The following MVB12B variants were observed in gnomAD, a reference collection of about 807,000 sequenced individuals.
The protein encoded by MVB12B is ESCRT-I complex subunit MVB12B.
In MVB12B, 16 loss-of-function variants were observed where a neutral mutation model predicts 41.6. That is an observed-to-expected ratio of 0.38 (90% CI 0.26 to 0.58). MVB12B has a LOEUF of 0.58. MVB12B is among the 20% of genes least tolerant of loss of function. MVB12B has a pLI of 0.62. For missense variants in MVB12B, 274 were observed against 380.2 expected (o/e 0.72, Z 2.32); for synonymous variants, 133 against 139.7 (o/e 0.95, Z 0.34).
intron 2 of MVB12B, among the ~76,000 whole-genome samples, chr9:126,361,186 A>T: frequency 6.7e-6 from 1 of 150,206 alleles, no homozygotes; most frequent in African/African-American, 2.5e-5. Flanking sequence ...TTTTTATCTC[A>T]TTTTATTTCC....
chr9:126,430,340 A>G (rs1008563800), intron 7 of MVB12B, among the ~76,000 whole-genome samples: 2 of 151,654 alleles, frequency 1.3e-5, no homozygotes, highest in African/African-American at 4.9e-5. Flanking sequence ...GTCTTGCGCT[A>G]TGCTTGCCCC....
Position 126,473,751 on chromosome 9 carries a change from G to T in MVB12B, c.758-7618G>T, listed in dbSNP as rs906627587. The stretch of plus-strand genomic sequence containing the variant: ...TCCCCACATAGCTCAGTCATCTCCC[G>T]CCGGGCCCCCTCCAATACCGGGGAT... On this transcript the variant is annotated intron_variant, in intron 7 of 9. Transcript: ENST00000361171. This position sits in a 1 kb window ranked among gnomAD's most constrained non-coding sequence, Gnocchi z 4.0. Among the ~76,000 whole-genome samples the T allele has an allele frequency of 1.3e-5, 2 of 152,176 alleles. No individual in the cohort carries two copies. The highest frequency in any genetic ancestry group is 2.9e-5 in the Non-Finnish European group (2 of 68,038).
chr9:126,373,286 C>T (rs1588117271), intron 2 of MVB12B, among the ~76,000 whole-genome samples: 1 of 152,244 alleles, frequency 6.6e-6, no homozygotes, highest in African/African-American at 2.4e-5. Context: ...ATCTTGAGCA[C>T]ACCACCTGTT....
intron 7 of MVB12B, among the ~76,000 whole-genome samples, chr9:126,456,390 AACTG>A (rs998886501): frequency 2.0e-4 from 30 of 152,366 alleles, no homozygotes; most frequent in African/African-American, 7.2e-4. Flanking sequence ...TATAAATAAA[AACTG>A]ACATCATTCA....
At chr9:126,469,539 A>G (rs149023219) in intron 7 of MVB12B, among the ~76,000 whole-genome samples, 1 of 152,372 alleles carries the variant, frequency 6.6e-6, no homozygotes, top group East Asian at 1.9e-4. Context: ...CCTGGGGGAC[A>G]GGCGTGCTCC....
In MVB12B at chr9:126,486,552, G is replaced by A. The variant is rs536578344; in HGVS notation, c.873+2520G>A. Among the ~76,000 whole-genome samples the A allele has an allele frequency of 1.2e-4, 19 of 152,236 alleles. No homozygotes were observed. Among genetic ancestry groups the A allele is most frequent in the Admixed American group, 1.2e-3 (19 of 15,284 alleles). ...GATGCCAAATGGATATAGGTGGGAC[G>A]TGCTGGCAGCAGCGGCCTCAGCGTC... On this transcript the variant is annotated intron_variant, in intron 9 of 9. Coordinates refer to ENST00000361171, the MANE Select transcript of MVB12B (RefSeq NM_033446.3). This position sits in a 1 kb window ranked among gnomAD's most constrained non-coding sequence, Gnocchi z 4.7.
chr9:126,398,193 G>C (rs916147582), intron 6 of MVB12B, among the ~76,000 whole-genome samples: 3 of 151,834 alleles, frequency 2.0e-5, no homozygotes, highest in African/African-American at 7.3e-5. Context: ...CCTGTGCTGG[G>C]TCTTCTTCTG....
At chr9:126,414,450 C>T (rs1358297534) in intron 6 of MVB12B, among the ~76,000 whole-genome samples, 3 of 152,140 alleles carry the variant, frequency 2.0e-5, no homozygotes, top group East Asian at 1.9e-4. Flanking sequence ...GTAACACTCC[C>T]CGAGGATTTA....
chr9:126,429,970 G>A (rs185825174), intron 7 of MVB12B, among the ~76,000 whole-genome samples: 1 of 152,292 alleles, frequency 6.6e-6, no homozygotes, highest in East Asian at 1.9e-4. Context: ...AGTGTTAAGC[G>A]TGGGACCTCT....
intron 2 of MVB12B, among the ~76,000 whole-genome samples, chr9:126,361,939 C>T (rs1338476902): frequency 1.3e-5 from 2 of 149,408 alleles, no homozygotes; most frequent in East Asian, 2.0e-4. Context: ...AAAGATGTTG[C>T]TCCATTATCT....
Position 126,483,982 on chromosome 9 carries a change from T to G in MVB12B, c.823T>G (p.Phe275Val), listed in dbSNP as rs1205634054. 1.9e-6 allele frequency: 3 copies of G among 1,614,152 alleles called. No homozygotes were observed. Among genetic ancestry groups the G allele is most frequent in the South Asian group, 2.2e-5 (2 of 91,080 alleles). Reference protein sequence around the residue: ...FSCVPESMQPFDLLGITIKSL... With the variant: ...FSCVPESMQPVDLLGITIKSL... ...TCATCTGTGTTTTCAGATGCAGCCC[T>G]TTGATCTCCTGGGAATCACCATCAA... Residue 275 changes from phenylalanine (F) to valine (V), a missense_variant, in exon 9 of 10, where the codon TTT (phenylalanine) becomes GTT (valine). By Grantham distance (50) the Phe-to-Val change is conservative. Coordinates refer to ENST00000361171, the MANE Select transcript of MVB12B (RefSeq NM_033446.3).
At position 126,395,032 on chromosome 9, in the gene MVB12B, G is replaced by A. The variant is rs1207792936; in HGVS notation, c.540-543G>A. Among the ~76,000 whole-genome samples the A allele has an allele frequency of 6.6e-6, 1 of 152,160 alleles. No homozygotes were observed. The highest frequency in any genetic ancestry group is 1.5e-5 in the Non-Finnish European group (1 of 68,040). On this transcript the variant is annotated intron_variant, in intron 5 of 9. Transcript: ENST00000361171. This position sits in a 1 kb window ranked among gnomAD's most constrained non-coding sequence, Gnocchi z 4.9. ...GGAGGCCCCTTGGTGTCCACTCCTA[G>A]TTGTGTGGTTCATGGGGCCTCGAGT...
rs1192748426 is a variant in MVB12B, at chr9:126,376,439, A to G, written c.205-4625A>G. ...TGGTGACCCTTTGTTGTGGGTTGGGATTTAAGATGGAGGCACCAGCTCATG... is the reference window on the plus strand; with the variant it reads ...TGGTGACCCTTTGTTGTGGGTTGGGGTTTAAGATGGAGGCACCAGCTCATG... On this transcript the variant is annotated intron_variant, in intron 2 of 9. Transcript: ENST00000361171. This position sits in a 1 kb window ranked among gnomAD's most constrained non-coding sequence, Gnocchi z 4.1. 2 of 1,179,382 alleles carry G rather than the reference A, an allele frequency of 1.7e-6. No homozygotes were observed. The highest frequency in any genetic ancestry group is 2.2e-6 in the Non-Finnish European group (2 of 890,116). 73.1% of individuals were successfully genotyped at this position (1,179,382 alleles called of 1,614,324 possible). A position where few individuals can be genotyped will look rare whatever the true frequency, so the allele number is the denominator to read the frequency against.
chr9:126,455,429 A>G (rs1474317875), intron 7 of MVB12B, among the ~76,000 whole-genome samples: 1 of 151,780 alleles, frequency 6.6e-6, no homozygotes, highest in Non-Finnish European at 1.5e-5. Context: ...CTCGTGATCC[A>G]CCCACCTCGG....
chr9:126,444,126 C>T (rs1832709231), intron 7 of MVB12B, among the ~76,000 whole-genome samples: 1 of 152,238 alleles, frequency 6.6e-6, no homozygotes, highest in Admixed American at 6.5e-5. Context: ...ATGGTTGTAT[C>T]ATCCTCCCTC....
intron 7 of MVB12B, among the ~76,000 whole-genome samples, chr9:126,454,952 C>T (rs1381631794): frequency 6.6e-6 from 1 of 152,104 alleles, no homozygotes; most frequent in East Asian, 1.9e-4. Context: ...TCCTGTGAGC[C>T]TGTGGGTGCG....
At chr9:126,430,847 C>T (rs985948053) in intron 7 of MVB12B, among the ~76,000 whole-genome samples, 1 of 152,224 alleles carries the variant, frequency 6.6e-6, no homozygotes, top group African/African-American at 2.4e-5. Context: ...TAGAACTGTA[C>T]AAGGACCCTG....
chr9:126,461,116 T>C (rs1189201093), intron 7 of MVB12B, among the ~76,000 whole-genome samples: 1 of 152,152 alleles, frequency 6.6e-6, no homozygotes, highest in Non-Finnish European at 1.5e-5. Context: ...AAACAGAAAC[T>C]GGAACCTCAT....
chr9:126,335,148 A>G lies in MVB12B; in HGVS notation c.82-5360A>G, dbSNP rs914913787. The G allele has an allele frequency of 6.0e-6, 6 of 997,632 alleles. No homozygotes were observed. In the East Asian group the frequency reaches 2.6e-4, roughly 43 times the overall value. 61.8% of individuals were successfully genotyped at this position (997,632 alleles called of 1,614,324 possible). A position where few individuals can be genotyped will look rare whatever the true frequency, so the allele number is the denominator to read the frequency against. On this transcript the variant is annotated intron_variant, in intron 1 of 9. Coordinates refer to ENST00000361171, the MANE Select transcript of MVB12B (RefSeq NM_033446.3). Reference sequence around the variant, plus strand: ...AGAAAAATATTTGCCTTAGTTGCCCAACAACTTAGCAGCCCTCCTAGCAGC... The same window carrying G: ...AGAAAAATATTTGCCTTAGTTGCCCGACAACTTAGCAGCCCTCCTAGCAGC...
Sources: allele counts gnomAD v4.1 joint callset (sites outside exome capture counted in the v4.1 genomes callset), GRCh38; gene constraint gnomAD v4.1.1; non-coding constraint Gnocchi (gnomAD v3.1); transcripts MANE v1.5; gene names NCBI Gene and HGNC (gene_info 2026-07-23, HGNC 2026-07-21).